ZNF385B: variants seen among roughly 807,000 people sequenced by gnomAD.
ZNF385B encodes the protein zinc finger protein 385B.
A neutral mutation model predicts 39.2 loss-of-function variants in ZNF385B; 23 were observed. The observed-to-expected ratio is 0.59, with a 90% CI of 0.42 to 0.83. The LOEUF is 0.83. Among genes scored for constraint, ZNF385B ranks in the 40% least tolerant of loss-of-function variants. The pLI is 0.00. For missense variants in ZNF385B, 552 were observed against 598.9 expected, an observed-to-expected ratio of 0.92 and a Z score of 0.82; for synonymous variants, 205 against 222.6, an observed-to-expected ratio of 0.92 and a Z score of 0.70.
chr2:179,621,101 C>T (rs1690173278), intron 3 of ZNF385B, among the ~76,000 whole-genome samples: 1 of 151,666 alleles, frequency 6.6e-6, no homozygotes. Flanking sequence ...ATATCAGGGT[C>T]TACACTGAGA....
At chr2:179,757,527 T>C (rs1703115680) in intron 3 of ZNF385B, among the ~76,000 whole-genome samples, 1 of 152,220 alleles carries the variant, frequency 6.6e-6, no homozygotes, top group Non-Finnish European at 1.5e-5. Context: ...AGGTTTCTGC[T>C]GCCTTTTGTT....
intron 3 of ZNF385B, among the ~76,000 whole-genome samples, chr2:179,686,589 T>C (rs138389861): frequency 0.014 from 2,187 of 152,170 alleles, 22 homozygotes; most frequent in Middle Eastern, 0.034. Context: ...GGGTAAACAA[T>C]GTGAATGACT....
intron 1 of ZNF385B, among the ~76,000 whole-genome samples, chr2:179,784,543 G>A (rs890239095): frequency 6.6e-6 from 1 of 151,896 alleles, no homozygotes; most frequent in Non-Finnish European, 1.5e-5. Context: ...ACAACTCCCA[G>A]AGTGGAAAAA....
chr2:179,459,998 G>T (rs113206839), intron 6 of ZNF385B, among the ~76,000 whole-genome samples: 3 of 152,074 alleles, frequency 2.0e-5, no homozygotes, highest in South Asian at 4.2e-4. Flanking sequence ...CAGCTACTAG[G>T]GGGGCTGAGG....
intron 1 of ZNF385B, among the ~76,000 whole-genome samples, chr2:179,828,211 T>G (rs1707785532): frequency 6.6e-6 from 1 of 152,208 alleles, no homozygotes; most frequent in African/African-American, 2.4e-5. Context: ...CCTATGGAAT[T>G]GCTGGGTCTA....
intron 3 of ZNF385B, among the ~76,000 whole-genome samples, chr2:179,730,741 A>G (rs149108215): frequency 3.4e-3 from 519 of 152,374 alleles, no homozygotes; most frequent in South Asian, 7.7e-3. Flanking sequence ...CAATTCAGAA[A>G]CAAATATATG....
rs1452150058 is a variant in ZNF385B at position 179,775,191 on chromosome 2, G to C, written c.-154-4519C>G. ...AGGGTTCATTTCATTGAATGTTTTG[G>C]TATATTTCATAATAGGATTCAGATA... On this transcript the variant is annotated intron_variant, in intron 1 of 9. Coordinates refer to ENST00000410066, the MANE Select transcript of ZNF385B (RefSeq NM_152520.6). 2.0e-5 allele frequency among the ~76,000 whole-genome samples: 3 copies of C among 152,148 alleles called. No homozygotes were observed. The East Asian group carries it at 5.8e-4, about 29-fold the overall frequency.
At chr2:179,449,901 G>A (rs1341887560) in intron 6 of ZNF385B, among the ~76,000 whole-genome samples, 1 of 151,196 alleles carries the variant, frequency 6.6e-6, no homozygotes, top group Non-Finnish European at 1.5e-5. Context: ...TACCAAAACA[G>A]AGATATAGAC....
chr2:179,683,629 T>A (rs1194716881), intron 3 of ZNF385B, among the ~76,000 whole-genome samples: 1 of 151,776 alleles, frequency 6.6e-6, no homozygotes, highest in Non-Finnish European at 1.5e-5. Flanking sequence ...GTGCCTGCCA[T>A]AATACCCGGC....
At chr2:179,473,904 C>A (rs2053111419) in intron 6 of ZNF385B, among the ~76,000 whole-genome samples, 1 of 152,046 alleles carries the variant, frequency 6.6e-6, no homozygotes, top group South Asian at 2.1e-4. Context: ...ATATGTGGCA[C>A]CCCCACTTTA....
intron 3 of ZNF385B, among the ~76,000 whole-genome samples, chr2:179,712,588 C>G (rs1454415299): frequency 6.6e-6 from 1 of 152,150 alleles, no homozygotes; most frequent in African/African-American, 2.4e-5. Flanking sequence ...AGTGTAGTTT[C>G]ATCCAGGTAC....
rs556477940 is a variant in ZNF385B, at chr2:179,555,258, T to C, written c.299-10289A>G. Reference sequence around the variant, plus strand: ...GGAGTACATGCTGTATGATACCATTTATATAAAGCGTAAAACCAGGCAAAG... The same window carrying C: ...GGAGTACATGCTGTATGATACCATTCATATAAAGCGTAAAACCAGGCAAAG... On this transcript the variant is annotated intron_variant, in intron 3 of 9. Coordinates refer to ENST00000410066, the MANE Select transcript of ZNF385B (RefSeq NM_152520.6). 5.2e-4 allele frequency among the ~76,000 whole-genome samples: 78 copies of C among 149,692 alleles called. 4 individuals are homozygous for C. Among genetic ancestry groups the C allele is most frequent in the African/African-American group, 2.0e-3 (78 of 39,874 alleles).
chr2:179,540,329 C>T (rs1323325468), intron 4 of ZNF385B, among the ~76,000 whole-genome samples: 2 of 152,014 alleles, frequency 1.3e-5, no homozygotes, highest in Non-Finnish European at 2.9e-5. Flanking sequence ...GACTGTAATC[C>T]CAGCTACTCG....
intron 3 of ZNF385B, among the ~76,000 whole-genome samples, chr2:179,738,697 T>C (rs1375276884): frequency 6.6e-6 from 1 of 152,234 alleles, no homozygotes; most frequent in Non-Finnish European, 1.5e-5. Context: ...AGATAGCAGC[T>C]GCAGAAATTC....
intron 3 of ZNF385B, among the ~76,000 whole-genome samples, chr2:179,733,620 A>T (rs1464169606): frequency 6.6e-6 from 1 of 152,110 alleles, no homozygotes; most frequent in Non-Finnish European, 1.5e-5. Context: ...GTCTCTACTA[A>T]AAATACAAAA....
intron 3 of ZNF385B, among the ~76,000 whole-genome samples, chr2:179,730,667 T>C (rs1162957078): frequency 2.0e-5 from 3 of 151,944 alleles, no homozygotes; most frequent in Admixed American, 6.5e-5. Context: ...TCTATACTGA[T>C]AAATAATTTA....
At chr2:179,549,400 A>G (rs757736496) in intron 3 of ZNF385B, among the ~76,000 whole-genome samples, 1 of 149,552 alleles carries the variant, frequency 6.7e-6, no homozygotes, top group Non-Finnish European at 1.5e-5. Flanking sequence ...AGGAAGTGGC[A>G]GGCTGTTTTC....
chr2:179,629,021 A>AT (rs1041391452), intron 3 of ZNF385B, among the ~76,000 whole-genome samples: 14 of 152,130 alleles, frequency 9.2e-5, no homozygotes, highest in Non-Finnish European at 1.6e-4. Context: ...TGCAGTCATT[A>AT]TTTTTTTGAT....
intron 3 of ZNF385B, among the ~76,000 whole-genome samples, chr2:179,676,701 A>C (rs16866915): frequency 0.2 from 30,292 of 152,112 alleles, 3,263 homozygotes; most frequent in Admixed American, 0.25. Flanking sequence ...GTTGGAAAGA[A>C]GTGGACGGAT....
Sources: allele counts gnomAD v4.1 joint callset (sites outside exome capture counted in the v4.1 genomes callset), GRCh38; gene constraint gnomAD v4.1.1; transcripts MANE v1.5; gene names NCBI Gene and HGNC (gene_info 2026-07-23, HGNC 2026-07-21).